The following MCC variants were observed in gnomAD, a reference collection of about 807,000 sequenced individuals.
MCC encodes the protein MCC regulator of Wnt signaling pathway.
In MCC, 90 loss-of-function variants were observed where a neutral mutation model predicts 116.2. That is an observed-to-expected ratio of 0.77 (90% CI 0.65 to 0.92). MCC has a LOEUF of 0.92. MCC is among the 40% of genes least tolerant of loss of function. The pLI, the probability that MCC is intolerant of heterozygous loss-of-function variation, is 0.00. For missense variants in MCC, 1,516 were observed against 1,312.2 expected (o/e 1.16, Z -2.40); for synonymous variants, 578 against 510.5 (o/e 1.13, Z -1.78).
intron 1 of MCC, among the ~76,000 whole-genome samples, chr5:113,426,618 G>A (rs1295697381): frequency 6.6e-6 from 1 of 152,112 alleles, no homozygotes; most frequent in East Asian, 1.9e-4. Context: ...TGACCCTGGG[G>A]CAATATGCAT....
Position 113,122,823 on chromosome 5 carries a change from C to T in MCC, c.888G>A (p.Glu296=), listed in dbSNP as rs1757816213. ...IDRLQGTTIR[E]EDEYSELRSE... ...ATCGCAGTTCTGAGTACTCATCTTC[C>T]TCCCTGAGAAAAAAGGAGAATTGGC... Residue 296 remains glutamate, a synonymous_variant, in exon 6 of 19, where the codon GAG becomes GAA. Coordinates refer to ENST00000408903, the MANE Select transcript of MCC (RefSeq NM_001085377.2). 1.2e-6 allele frequency: 2 copies of T among 1,613,686 alleles called. No individual in the cohort carries two copies. Among genetic ancestry groups the T allele is most frequent in the East Asian group, 2.2e-5 (1 of 44,896 alleles).
At chr5:113,452,255 C>T (rs1056276036) in intron 1 of MCC, among the ~76,000 whole-genome samples, 3 of 152,162 alleles carry the variant, frequency 2.0e-5, no homozygotes, top group African/African-American at 7.2e-5. Flanking sequence ...ACTTTCTAGA[C>T]AAGGAAGCCA....
chr5:113,382,275 T>G (rs1769143757), intron 2 of MCC, among the ~76,000 whole-genome samples: 1 of 151,406 alleles, frequency 6.6e-6, no homozygotes, highest in African/African-American at 2.4e-5. Context: ...TTGTCCTTTT[T>G]TTTTTTTTTT....
At chr5:113,337,327 C>CA (rs1348747532) in intron 3 of MCC, among the ~76,000 whole-genome samples, 1 of 152,194 alleles carries the variant, frequency 6.6e-6, no homozygotes, top group Admixed American at 6.5e-5. Context: ...GCAGATGCCC[C>CA]AATGGGTGGT....
intron 6 of MCC, among the ~76,000 whole-genome samples, chr5:113,121,518 T>C (rs546439125): frequency 6.6e-5 from 10 of 152,318 alleles, no homozygotes; most frequent in African/African-American, 2.4e-4. Flanking sequence ...ACCTGCTTAA[T>C]TCCTACTGAT....
intron 1 of MCC, among the ~76,000 whole-genome samples, chr5:113,473,230 C>A (rs1772141563): frequency 1.3e-5 from 2 of 152,014 alleles, no homozygotes; most frequent in African/African-American, 4.8e-5. Flanking sequence ...TTGGAGTAGT[C>A]AAGATAAAAC....
intron 2 of MCC, among the ~76,000 whole-genome samples, chr5:113,369,160 CACTG>C (rs770198834): frequency 6.6e-5 from 10 of 151,866 alleles, no homozygotes; most frequent in Non-Finnish European, 8.8e-5. Flanking sequence ...GATTGATTAT[CACTG>C]ACCATTGGTG....
intron 14 of MCC, among the ~76,000 whole-genome samples, chr5:113,063,220 G>A (rs1171778443): frequency 6.6e-6 from 1 of 152,202 alleles, no homozygotes; most frequent in East Asian, 1.9e-4. Context: ...TAAATAAAGG[G>A]AAGGCATTCG....
chr5:113,025,082 T>G lies in MCC; in HGVS notation c.*2220A>C, dbSNP rs1252907063. ...GAGCAAGAATGGAGACAGAAGTCAG[T>G]AGGCAGGATTTTATTCCTGCTTCAG... On this transcript the variant is annotated 3_prime_UTR_variant, in exon 19 of 19. Transcript: ENST00000408903. The G allele has an allele frequency of 2.0e-5, 3 of 151,994 alleles. No homozygotes were observed. The highest frequency in any genetic ancestry group is 2.9e-5 in the Non-Finnish European group (2 of 68,002). The allele number at this position is 151,994 out of a possible 1,614,324, so 9.4% of individuals were successfully genotyped here.
intron 13 of MCC, 31 bp downstream of exon 13, chr5:113,068,049 G>A (rs1022911802): frequency 1.9e-5 from 29 of 1,562,686 alleles, no homozygotes; most frequent in Non-Finnish European, 2.6e-5. Flanking sequence ...AGGGAGACAA[G>A]AGGAGGAAGA....
At chr5:113,306,716 A>G (rs1766995234) in intron 3 of MCC, among the ~76,000 whole-genome samples, 2 of 152,034 alleles carry the variant, frequency 1.3e-5, no homozygotes, top group Admixed American at 6.6e-5. Flanking sequence ...CAAAATTTTA[A>G]TTTAATGAAG....
At chr5:113,108,331 TAAAAAA>T (rs56780207) in intron 6 of MCC, among the ~76,000 whole-genome samples, 13 of 42,766 alleles carry the variant, frequency 3.0e-4, no homozygotes, top group East Asian at 1.0e-3. Context: ...CACTCTATCT[TAAAAAA>T]AAAAAAAAAA....
intron 3 of MCC, among the ~76,000 whole-genome samples, chr5:113,186,269 AG>A (rs1761890650): frequency 6.6e-6 from 1 of 152,218 alleles, no homozygotes; most frequent in African/African-American, 2.4e-5. Context: ...ACGTGCCAGC[AG>A]GAACTTGAAA....
intron 3 of MCC, among the ~76,000 whole-genome samples, chr5:113,244,256 G>A (rs967302530): frequency 6.6e-6 from 1 of 152,108 alleles, no homozygotes; most frequent in Non-Finnish European, 1.5e-5. Context: ...AACAACACAA[G>A]GAATGATCAT....
chr5:113,215,758 G>A (rs1167420577), intron 3 of MCC, among the ~76,000 whole-genome samples: 4 of 152,150 alleles, frequency 2.6e-5, no homozygotes, highest in African/African-American at 9.7e-5. Flanking sequence ...ATAACTTTCT[G>A]TTCTTTATTA....
At chr5:113,371,736 C>T (rs1251188340) in intron 2 of MCC, among the ~76,000 whole-genome samples, 2 of 152,202 alleles carry the variant, frequency 1.3e-5, no homozygotes, top group African/African-American at 2.4e-5. Flanking sequence ...AAACATTAAT[C>T]ATTTACTAAT....
At chr5:113,474,000 T>C (rs750805185) in intron 1 of MCC, among the ~76,000 whole-genome samples, 6 of 152,190 alleles carry the variant, frequency 3.9e-5, no homozygotes, top group Admixed American at 1.3e-4. Flanking sequence ...ACACGACCAG[T>C]TAGTAGCAGG....
At position 113,027,480 on chromosome 5, in the gene MCC, T is replaced by G; in HGVS notation, c.2882A>C (p.Asn961Thr). 6.2e-7 allele frequency: 1 copy of G among 1,614,086 alleles called. No homozygotes were observed. The highest frequency in any genetic ancestry group is 8.5e-7 in the Non-Finnish European group (1 of 1,180,014). ...FVNDLKRANS[N>T]LVAAYEKAKK... ...TGCTTTCTCATAGGCAGCCACCAGG[T>G]TGCTAGGTGGGAATGAAGGGAAATT... The change falls in exon 19 of 19, where the codon AAC becomes ACC. Residue 961 changes from asparagine (N) to threonine (T), a missense_variant and splice_region_variant. Asn to Thr is a moderately conservative substitution (Grantham distance 65, BLOSUM62 0). Transcript: ENST00000408903.
chr5:113,367,637 G>GGGAAGA (rs1554079198), intron 2 of MCC, among the ~76,000 whole-genome samples: 1 of 95,834 alleles, frequency 1.0e-5, no homozygotes, highest in East Asian at 3.9e-4. Flanking sequence ...GGTGGGGGGG[G>GGGAAGA]GGAAGAGAGA....
Sources: gnomAD v4.1 joint callset for allele counts (sites outside exome capture counted in the v4.1 genomes callset) on GRCh38, gnomAD v4.1.1 for gene constraint, MANE v1.5 for transcripts, NCBI Gene and HGNC (gene_info 2026-07-23, HGNC 2026-07-21) for gene names.